Variants in B3GALT1 observed in about 807,000 individuals in gnomAD.
B3GALT1 encodes the protein beta-1,3-galactosyltransferase 1, also known as UDP-Gal:betaGlcNAc beta 1,3-galactosyltransferase, polypeptide 1.
A neutral mutation model predicts 23.2 loss-of-function variants in B3GALT1; 10 were observed. The observed-to-expected ratio is 0.43, with a 90% CI of 0.27 to 0.73. The LOEUF is 0.73. B3GALT1 is among the 30% of genes least tolerant of loss of function. The pLI is 0.21. For missense variants in B3GALT1, 299 were observed against 405.4 expected (o/e 0.74, Z 2.25); for synonymous variants, 156 against 141.5 (o/e 1.10, Z -0.73).
chr2:167,773,888 T>A (rs1295869701), intron 3 of B3GALT1, among the ~76,000 whole-genome samples: 1 of 152,220 alleles, frequency 6.6e-6, no homozygotes, highest in Non-Finnish European at 1.5e-5. Flanking sequence ...GACTTTGTCT[T>A]CTGACGTAGA....
intron 1 of B3GALT1, among the ~76,000 whole-genome samples, chr2:167,328,846 C>G (rs539104586): frequency 6.0e-4 from 91 of 152,108 alleles, no homozygotes; most frequent in African/African-American, 2.0e-3. Flanking sequence ...CCACGTCTCA[C>G]TTGTCACCCA....
intron 1 of B3GALT1, among the ~76,000 whole-genome samples, chr2:167,326,382 A>G (rs917902957): frequency 6.6e-6 from 1 of 151,940 alleles, no homozygotes; most frequent in African/African-American, 2.4e-5. Context: ...CCCATTAAAA[A>G]GGTTTTCTCT....
Position 167,870,710 on chromosome 2 carries a change from T to C in B3GALT1, c.*690T>C, listed in dbSNP as rs1559010561. 1 of 160,084 alleles carries C rather than the reference T, an allele frequency of 6.2e-6. No individual in the cohort carries two copies. The highest frequency in any genetic ancestry group is 2.5e-5 in the African/African-American group (1 of 40,770). 9.9% of individuals were successfully genotyped at this position (160,084 alleles called of 1,614,324 possible). ...ACAAAGTAAACAAAAGATTTTTTTT[T>C]TCTTTTTTTTTCTTTCTTTTTTGTT... On this transcript the variant is annotated 3_prime_UTR_variant, in exon 5 of 5. Transcript: ENST00000392690.
chr2:167,846,630 A>G (rs1445572712), intron 4 of B3GALT1, among the ~76,000 whole-genome samples: 1 of 152,220 alleles, frequency 6.6e-6, no homozygotes, highest in Non-Finnish European at 1.5e-5. Flanking sequence ...CTGTAAACAC[A>G]TCAAAACAGA....
rs1438449160 is a variant in B3GALT1, at chr2:167,427,093, AG to A, written c.-510-63081del. Reference sequence around the variant, plus strand: ...TATTGAGCAAAACTGAAAAGTACAAAGGGACACACAATATGATTTAATTTAT... The same window carrying A: ...TATTGAGCAAAACTGAAAAGTACAAAGGACACACAATATGATTTAATTTAT... On this transcript the variant is annotated intron_variant, in intron 1 of 4. Coordinates refer to ENST00000392690, the MANE Select transcript of B3GALT1 (RefSeq NM_020981.4). Among the ~76,000 whole-genome samples, 5 of 152,354 alleles carry A rather than the reference AG, an allele frequency of 3.3e-5. No homozygotes were observed. The East Asian group carries it at 9.6e-4, about 29-fold the overall frequency.
intron 2 of B3GALT1, among the ~76,000 whole-genome samples, chr2:167,534,333 G>A (rs902164099): frequency 6.6e-6 from 1 of 151,266 alleles, no homozygotes; most frequent in African/African-American, 2.4e-5. Flanking sequence ...CTCTTCTTTT[G>A]TACAGTAGGT....
chr2:167,301,376 GCTAAATCAGCATCAGTACTTTTT>G (rs1696442925), intron 1 of B3GALT1, among the ~76,000 whole-genome samples: 1 of 152,134 alleles, frequency 6.6e-6, no homozygotes, highest in African/African-American at 2.4e-5. Flanking sequence ...TCACTGATGG[GCTAAATCAGCATCAGTACTTTTT>G]CTGATCATGT....
chr2:167,298,842 T>A (rs542570465), intron 1 of B3GALT1, among the ~76,000 whole-genome samples: 11 of 152,108 alleles, frequency 7.2e-5, no homozygotes, highest in African/African-American at 2.4e-4. Flanking sequence ...TTAAGAAAAT[T>A]TAAAAGCTAC....
intron 1 of B3GALT1, among the ~76,000 whole-genome samples, chr2:167,463,373 C>T (rs1699295867): frequency 6.6e-6 from 1 of 152,218 alleles, no homozygotes; most frequent in Non-Finnish European, 1.5e-5. Context: ...TCTCCTCCCT[C>T]ATAATATTAC....
At chr2:167,562,259 C>A (rs1366120989) in intron 2 of B3GALT1, among the ~76,000 whole-genome samples, 5 of 152,298 alleles carry the variant, frequency 3.3e-5, no homozygotes, top group Admixed American at 6.5e-5. Flanking sequence ...TTCAACAACC[C>A]TTCATGCTAA....
intron 1 of B3GALT1, among the ~76,000 whole-genome samples, chr2:167,455,570 G>A (rs1699155641): frequency 6.6e-6 from 1 of 152,134 alleles, no homozygotes; most frequent in Non-Finnish European, 1.5e-5. Flanking sequence ...CTGGAGTGCA[G>A]TGGTGCGATC....
chr2:167,463,308 T>G (rs1177238047), intron 1 of B3GALT1, among the ~76,000 whole-genome samples: 1 of 152,192 alleles, frequency 6.6e-6, no homozygotes, highest in South Asian at 2.1e-4. Context: ...ATGTTGTGCC[T>G]TTTAAAGTTT....
At chr2:167,401,906 AG>A (rs1170948467) in intron 1 of B3GALT1, among the ~76,000 whole-genome samples, 1 of 152,306 alleles carries the variant, frequency 6.6e-6, no homozygotes, top group African/African-American at 2.4e-5. Flanking sequence ...AAGATTATTT[AG>A]GCTTGAATGC....
At chr2:167,801,415 A>G (rs748932301) in intron 3 of B3GALT1, among the ~76,000 whole-genome samples, 13 of 152,220 alleles carry the variant, frequency 8.5e-5, no homozygotes, top group Non-Finnish European at 4.4e-5. Flanking sequence ...ATAAAATGAG[A>G]AACTTGAGTC....
intron 1 of B3GALT1, among the ~76,000 whole-genome samples, chr2:167,420,266 A>G (rs762566995): frequency 2.6e-5 from 4 of 152,236 alleles, no homozygotes; most frequent in African/African-American, 7.2e-5. Flanking sequence ...GAATATGCCC[A>G]TAAGACCCAC....
At chr2:167,408,105 G>A (rs1226734530) in intron 1 of B3GALT1, among the ~76,000 whole-genome samples, 2 of 147,696 alleles carry the variant, frequency 1.4e-5, no homozygotes, top group Non-Finnish European at 3.0e-5. Flanking sequence ...TATCACTGGT[G>A]AACGTAGACA....
chr2:167,873,678 C>A lies in B3GALT1; in HGVS notation c.*3658C>A, dbSNP rs1232424789. 1 of 152,150 alleles carries A rather than the reference C, an allele frequency of 6.6e-6. No homozygotes were observed. Among genetic ancestry groups the A allele is most frequent in the Non-Finnish European group, 1.5e-5 (1 of 68,028 alleles). 9.4% of individuals were successfully genotyped at this position (152,150 alleles called of 1,614,324 possible). ...AACAACGCTTGTTGATGATAATTGACATTTAGGTATAACGTCATATATGAA... is the reference window on the plus strand; with the variant it reads ...AACAACGCTTGTTGATGATAATTGAAATTTAGGTATAACGTCATATATGAA... On this transcript the variant is annotated 3_prime_UTR_variant, in exon 5 of 5. Transcript: ENST00000392690.
intron 3 of B3GALT1, among the ~76,000 whole-genome samples, chr2:167,793,679 A>G (rs1343289360): frequency 6.6e-6 from 1 of 152,214 alleles, no homozygotes; most frequent in East Asian, 1.9e-4. Context: ...GACTCGGGAG[A>G]TAAAGCAGAC....
rs191090778 is a variant in B3GALT1 at position 167,440,658 on chromosome 2, T to G, written c.-510-49519T>G. 6.4e-3 allele frequency among the ~76,000 whole-genome samples: 970 copies of G among 152,220 alleles called. 12 individuals carry two copies. Among genetic ancestry groups the G allele is most frequent in the African/African-American group, 0.022 (932 of 41,568 alleles). On this transcript the variant is annotated intron_variant, in intron 1 of 4. Coordinates refer to ENST00000392690, the MANE Select transcript of B3GALT1 (RefSeq NM_020981.4). Reference sequence around the variant, plus strand: ...CTATGTCCAAGTGTTTTTTTTAATTTCAATATTTCTCCCTATTTTTTTCTT... The same window carrying G: ...CTATGTCCAAGTGTTTTTTTTAATTGCAATATTTCTCCCTATTTTTTTCTT...
Sources: gnomAD v4.1 joint callset for allele counts (sites outside exome capture counted in the v4.1 genomes callset) on GRCh38, gnomAD v4.1.1 for gene constraint, MANE v1.5 for transcripts, NCBI Gene and HGNC (gene_info 2026-07-23, HGNC 2026-07-21) for gene names.